BAG6: variants seen among roughly 807,000 people sequenced by gnomAD.
BAG6 encodes the protein BAG cochaperone 6, also known as large proline-rich protein BAG6.
BAG6 carries 22 observed loss-of-function variants against 121.0 expected under a neutral mutation model. The observed-to-expected ratio is 0.18, with a 90% CI of 0.13 to 0.26. The LOEUF (loss-of-function observed/expected upper bound fraction) is 0.26, where lower values mean the gene tolerates loss of function less well. BAG6 is among the 10% of genes least tolerant of loss of function. BAG6 has a pLI of 1.00. For synonymous variants in BAG6, 583 were observed against 584.6 expected, an observed-to-expected ratio of 1.00 and a Z score of 0.04; for missense variants, 1,233 against 1,537.7, an observed-to-expected ratio of 0.80 and a Z score of 3.31.
intron 15 of BAG6, 178 bp from the exon 16 acceptor site, chr6:31,642,581 C>T (rs1393838074): frequency 6.1e-5 from 39 of 636,592 alleles, no homozygotes; most frequent in Non-Finnish European, 7.6e-5. Context: ...GGCAGCACAA[C>T]TTACCTACCT....
At position 31,641,969 on chromosome 6, in the gene BAG6, G is replaced by T; in HGVS notation, c.2336-24C>A. On this transcript the variant is annotated intron_variant, in intron 16 of 25. Coordinates refer to ENST00000676615, the MANE Select transcript of BAG6 (RefSeq NM_001387994.1). The surrounding 1 kb of genome is among the most constrained non-coding windows in gnomAD (Gnocchi z 5.7). Reference sequence around the variant, plus strand: ...TCCTGGGGGACAAGGGCAGATGTTAGCAATGGCCTTTACCACCTGGCCTGC... The same window carrying T: ...TCCTGGGGGACAAGGGCAGATGTTATCAATGGCCTTTACCACCTGGCCTGC... 1 of 1,610,982 alleles carries T rather than the reference G, an allele frequency of 6.2e-7. No individual in the cohort carries two copies. Among genetic ancestry groups the T allele is most frequent in the Non-Finnish European group, 8.5e-7 (1 of 1,178,566 alleles).
rs1255536268 is a variant in BAG6, at chr6:31,647,649, G to A, written c.730C>T (p.Leu244Phe). The A allele has an allele frequency of 8.1e-6, 13 of 1,605,000 alleles. No homozygotes were observed. In the East Asian group the frequency reaches 1.6e-4, roughly 20 times the overall value. ...CCCGCTGGGGCTGGGCCAGGAGTGA[G>A]CTCCGGGTTCTGGGCTGGGGCACGC... is the stretch of plus-strand genomic sequence containing the variant. ...EERAPAQNPE[L>F]TPGPAPAGPT... Residue 244 changes from leucine to phenylalanine, a missense_variant, in exon 7 of 26, where the codon CTC becomes TTC. By Grantham distance (22) the Leu-to-Phe change is conservative. This residue lies in a region of BAG6 where 777 missense variants were observed against 861.4 expected (regional missense o/e 0.90). Coordinates refer to ENST00000676615, the MANE Select transcript of BAG6 (RefSeq NM_001387994.1).
rs1331147515 is a variant in BAG6 at position 31,649,182 on chromosome 6, G to A, written c.423+17C>T. The A allele has an allele frequency of 1.7e-5, 27 of 1,612,760 alleles. No individual in the cohort carries two copies. The highest frequency in any genetic ancestry group is 2.3e-5 in the Non-Finnish European group (27 of 1,179,814). On this transcript the variant is annotated intron_variant, in intron 4 of 25. Coordinates refer to ENST00000676615, the MANE Select transcript of BAG6 (RefSeq NM_001387994.1). ...AAGCTACCCACAAAAGCCCTCCCCT[G>A]TGGAACATAAGCTTACAGGAAGATT... is the stretch of plus-strand genomic sequence containing the variant.
rs750256746 is a variant in BAG6 at position 31,642,969 on chromosome 6, G to T, written c.1903C>A (p.Leu635Ile). Residue 635 changes from leucine to isoleucine, a missense_variant, in exon 15 of 26, where the codon CTT (leucine) becomes ATT (isoleucine). Physicochemically the swap from Leu to Ile is conservative, Grantham distance 5. Around this residue, in one of 7 missense-constraint regions of BAG6, gnomAD observed 777 missense variants for 861.4 expected, o/e 0.90. Coordinates refer to ENST00000676615, the MANE Select transcript of BAG6 (RefSeq NM_001387994.1). ...PPTPQPSMAD[L>I]QFSQLLGNLL... The stretch of plus-strand genomic sequence containing the variant: ...TTCCCCAGAAGCTGAGAGAACTGAA[G>T]ATCAGCCATGGAGGGTTGAGGGGTG... 4 of 1,602,860 alleles carry T rather than the reference G, an allele frequency of 2.5e-6. No individual in the cohort carries two copies. The highest frequency in any genetic ancestry group is 3.4e-6 in the Non-Finnish European group (4 of 1,175,242).
chr6:31,642,553 A>C, intron 15 of BAG6, 150 bp from the exon 16 acceptor site: 1 of 631,438 alleles, frequency 1.6e-6, no homozygotes, highest in South Asian at 1.9e-5. Context: ...GAAGTATGGT[A>C]GGTATTTAAC....
Position 31,643,128 on chromosome 6 carries a change from A to G in BAG6, c.1757-13T>C, listed in dbSNP as rs752279559. On this transcript the variant is annotated splice_polypyrimidine_tract_variant and intron_variant, in intron 14 of 25. Coordinates refer to ENST00000676615, the MANE Select transcript of BAG6 (RefSeq NM_001387994.1). The stretch of plus-strand genomic sequence containing the variant: ...GGGGTCCCCTGAGCTGTAAGAAACC[A>G]AAAAAAGAAAGCTGGGCTGAGCATG... The G allele has an allele frequency of 1.3e-6, 2 of 1,543,970 alleles. No individual in the cohort carries two copies. Among genetic ancestry groups the G allele is most frequent in the Admixed American group, 2.2e-5 (1 of 46,508 alleles).
chr6:31,643,048 G>A lies in BAG6; in HGVS notation c.1824C>T (p.Thr608=). 2 of 1,589,132 alleles carry A rather than the reference G, an allele frequency of 1.3e-6. No homozygotes were observed. The highest frequency in any genetic ancestry group is 1.7e-6 in the Non-Finnish European group (2 of 1,169,828). The part of the protein sequence containing the change: ...PATASASAGT[T]NTATTAGPAP... ...CGGGGCCAGCTGTGGTAGCTGTGTT[G>A]GTGGTGCCAGCACTGGCAGAAGCAG... Residue 608 remains threonine (T), a synonymous_variant, in exon 15 of 26, where the codon ACC becomes ACT. Coordinates refer to ENST00000676615, the MANE Select transcript of BAG6 (RefSeq NM_001387994.1).
In BAG6 at chr6:31,641,045, C is replaced by T; in HGVS notation, c.2787+59G>A. On this transcript the variant is annotated intron_variant, in intron 20 of 25. Transcript: ENST00000676615. This position sits in a 1 kb window ranked among gnomAD's most constrained non-coding sequence, Gnocchi z 5.7. ...GTTTAGAAAAGAAAAATGAAAACTG[C>T]AGAGAATGGAAACCTCAGGAAACAA... 2 of 1,603,046 alleles carry T rather than the reference C, an allele frequency of 1.2e-6. No individual in the cohort carries two copies. Among genetic ancestry groups the T allele is most frequent in the Non-Finnish European group, 1.7e-6 (2 of 1,174,384 alleles).
chr6:31,645,443 G>T lies in BAG6; in HGVS notation c.1080C>A (p.Thr360=). 6.2e-7 allele frequency: 1 copy of T among 1,613,104 alleles called. No homozygotes were observed. The highest frequency in any genetic ancestry group is 1.3e-5 in the African/African-American group (1 of 75,062). Reference sequence around the variant, plus strand: ...TGGCTGCCTGCTGGAGCACCATGGGGGTGGTGTAGTGAGACATAGGCCGGA... The same window carrying T: ...TGGCTGCCTGCTGGAGCACCATGGGTGTGGTGTAGTGAGACATAGGCCGGA... The part of the protein sequence containing the change: ...HVVRPMSHYT[T]PMVLQQAAIP... The change falls in exon 9 of 26, where the codon ACC becomes ACA. Residue 360 remains threonine, a synonymous_variant. Coordinates refer to ENST00000676615, the MANE Select transcript of BAG6 (RefSeq NM_001387994.1).
Position 31,640,649 on chromosome 6 carries a change from G to A in BAG6, c.2990C>T (p.Pro997Leu), listed in dbSNP as rs1781825136. The stretch of plus-strand genomic sequence containing the variant: ...ACCTCCCCCTCTCTAGAGTACCTGA[G>A]GCTCAGGGGAAGCTCTTTCTGCTCC... ...VQGAERASPE[P>L]QRENASPAPG... Residue 997 changes from proline to leucine, a missense_variant, in exon 22 of 26, where the codon CCT becomes CTT. Pro to Leu is a moderately conservative substitution (Grantham distance 98). This residue lies in a region of BAG6 where 288 missense variants were observed against 483.1 expected (regional missense o/e 0.60). Coordinates refer to ENST00000676615, the MANE Select transcript of BAG6 (RefSeq NM_001387994.1). This position sits in a 1 kb window ranked among gnomAD's most constrained non-coding sequence, Gnocchi z 4.2. 6.2e-7 allele frequency: 1 copy of A among 1,612,936 alleles called. No homozygotes were observed. The highest frequency in any genetic ancestry group is 8.5e-7 in the Non-Finnish European group (1 of 1,179,980).
At chr6:31,648,458 C>T (rs1433458873) in intron 6 of BAG6, among the ~76,000 whole-genome samples, 1 of 152,176 alleles carries the variant, frequency 6.6e-6, no homozygotes, top group Non-Finnish European at 1.5e-5. Context: ...GAGACTAAGT[C>T]TGAAACAAAC....
In BAG6 at chr6:31,640,406, A is replaced by G. The variant is rs1000475386; in HGVS notation, c.3117T>C (p.Pro1039=). ...TTACTGGGGGGACTGCAGCTGCCCA[A>G]GGTTCTGTCTCAGCTGAAGCTCCAT... is the stretch of plus-strand genomic sequence containing the variant. ...EQDGASAETE[P]WAAAVPPEWV... Residue 1039 remains proline, a synonymous_variant, in exon 23 of 26, where the codon CCT becomes CCC. Coordinates refer to ENST00000676615, the MANE Select transcript of BAG6 (RefSeq NM_001387994.1). The surrounding 1 kb of genome is among the most constrained non-coding windows in gnomAD (Gnocchi z 4.2). The G allele has an allele frequency of 6.2e-7, 1 of 1,614,098 alleles. No individual in the cohort carries two copies. Among genetic ancestry groups the G allele is most frequent in the Non-Finnish European group, 8.5e-7 (1 of 1,180,024 alleles).
At chr6:31,639,276 G>A in intron 25 of BAG6, 50 bp from the exon 26 acceptor site, 11 of 1,535,806 alleles carry the variant, frequency 7.2e-6, no homozygotes, top group Non-Finnish European at 9.8e-6. Flanking sequence ...AAGTCCCCAT[G>A]ATCCCAGCAA....
Position 31,649,267 on chromosome 6 carries a change from C to T in BAG6, c.355G>A (p.Gly119Arg). The change falls in exon 4 of 26, where the codon GGG becomes AGG. Residue 119 changes from glycine (G) to arginine (R), a missense_variant. Gly to Arg is a moderately radical substitution (Grantham distance 125). Transcript: ENST00000676615. ...HGGGSPPGTR[G>R]PGASVHDRNA... ...CGGTCATGAACAGAGGCCCCAGGCC[C>T]CCGAGTACCAGGGGGGGATCCCCCA... 4 of 1,613,110 alleles carry T rather than the reference C, an allele frequency of 2.5e-6. No individual in the cohort carries two copies. The highest frequency in any genetic ancestry group is 1.3e-5 in the African/African-American group (1 of 75,060).
In BAG6 at chr6:31,645,128, G is replaced by A. The variant is rs767157140; in HGVS notation, c.1187C>T (p.Ala396Val). ...TRPPPTPNAE[A>V]PPPGPGQASS... ...GGCCTGCCCAGGACCAGGGGGAGGT[G>A]CCTCTGCATTGGGAGTTGGGGGGGG... The change falls in exon 10 of 26, where the codon GCA (alanine) becomes GTA (valine). Residue 396 changes from alanine to valine, a missense_variant. This residue lies in a region of BAG6 where 777 missense variants were observed against 861.4 expected (regional missense o/e 0.90). Transcript: ENST00000676615. 4 of 1,612,990 alleles carry A rather than the reference G, an allele frequency of 2.5e-6. No individual in the cohort carries two copies. The South Asian group carries it at 4.4e-5, about 18-fold the overall frequency.
rs1554137604 is a variant in BAG6, at chr6:31,641,678, TG to T, written c.2506-87del. The T allele has an allele frequency of 6.2e-7, 1 of 1,609,068 alleles. No individual in the cohort carries two copies. The highest frequency in any genetic ancestry group is 8.5e-7 in the Non-Finnish European group (1 of 1,175,602). ...GACCCCAACAAGTCCAGGGCTTGTG[TG>T]GGGGCAATTGGAGCTTTACCTGGCA... On this transcript the variant is annotated intron_variant, in intron 17 of 25. Coordinates refer to ENST00000676615, the MANE Select transcript of BAG6 (RefSeq NM_001387994.1). The surrounding 1 kb of genome is among the most constrained non-coding windows in gnomAD (Gnocchi z 5.7).
intron 2 of BAG6, among the ~76,000 whole-genome samples, chr6:31,650,479 C>A (rs1003739612): frequency 5.3e-5 from 8 of 151,856 alleles, no homozygotes; most frequent in Non-Finnish European, 8.8e-5. Context: ...CTGGCCAACA[C>A]GGTAAAACCC....
chr6:31,652,359 A>ACG (rs752778693), intron 1 of BAG6, 65 bp downstream of exon 1: 13 of 137,106 alleles, frequency 9.5e-5, no homozygotes, highest in Non-Finnish European at 1.5e-5. Context: ...ACACACACAC[A>ACG]CCCACCACCC....
rs9281540 is a variant in BAG6 at position 31,643,721 on chromosome 6, C to CAAAAAAAAAAAAAAAA, written c.1756+153_1756+168dup. Among the ~76,000 whole-genome samples the CAAAAAAAAAAAAAAAA allele has an allele frequency of 3.3e-4, 22 of 66,268 alleles. 3 individuals are homozygous for CAAAAAAAAAAAAAAAA. Among genetic ancestry groups the CAAAAAAAAAAAAAAAA allele is most frequent in the Admixed American group, 4.8e-4 (3 of 6,200 alleles). 43.5% of individuals were successfully genotyped at this position (66,268 alleles called of 152,430 possible). ...CTAGCAACAGAGTGAGACTCCATCTCAAAAAAAAAAAAAAAAAAAAAAAAA... is the reference window on the plus strand; with the variant it reads ...CTAGCAACAGAGTGAGACTCCATCTCAAAAAAAAAAAAAAAAAAAAAAAAAAAAAAAAAAAAAAAAA... On this transcript the variant is annotated intron_variant, in intron 14 of 25. Coordinates refer to ENST00000676615, the MANE Select transcript of BAG6 (RefSeq NM_001387994.1).
Sources: allele counts gnomAD v4.1 joint callset (sites outside exome capture counted in the v4.1 genomes callset), GRCh38; gene constraint gnomAD v4.1.1; regional missense constraint gnomAD v4.1.1; non-coding constraint Gnocchi (gnomAD v3.1); transcripts MANE v1.5; gene names NCBI Gene and HGNC (gene_info 2026-07-23, HGNC 2026-07-21).